ITGB4: variants seen among roughly 807,000 people sequenced by gnomAD.
The protein encoded by ITGB4 is integrin beta-4.
In ITGB4, 159 loss-of-function variants were observed where a neutral mutation model predicts 207.6. The observed-to-expected ratio is 0.77, with a 90% CI of 0.67 to 0.87. The LOEUF (loss-of-function observed/expected upper bound fraction) is 0.87, where lower values mean the gene tolerates loss of function less well. Ranked by LOEUF, ITGB4 falls within the 40% of genes least tolerant of loss-of-function variation. ITGB4 has a pLI of 0.00. For missense variants in ITGB4, 2,278 were observed against 2,546.8 expected (o/e 0.89, Z 2.27); for synonymous variants, 1,020 against 1,062.7 (o/e 0.96, Z 0.78).
chr17:75,729,710 C>T lies in ITGB4; in HGVS notation c.738+274C>T, dbSNP rs368970594. On this transcript the variant is annotated intron_variant, in intron 7 of 39. Transcript: ENST00000200181. This position sits in a 1 kb window ranked among gnomAD's most constrained non-coding sequence, Gnocchi z 4.4. ...CTACCAAGGCAGACCTGGGCTTTAG[C>T]GTTCTGGAATCTTTAGTACCCTGAA... Among the ~76,000 whole-genome samples, 1 of 152,218 alleles carries T rather than the reference C, an allele frequency of 6.6e-6. No homozygotes were observed. Among genetic ancestry groups the T allele is most frequent in the Non-Finnish European group, 1.5e-5 (1 of 68,028 alleles).
chr17:75,730,589 C>T lies in ITGB4; in HGVS notation c.1002+85C>T, dbSNP rs2060832253. ...TCAGACACCTCTCCCTCCCTCCCTC[C>T]CTCCCTCCCTCCCTTCCTCCCTTCC... is the stretch of plus-strand genomic sequence containing the variant. On this transcript the variant is annotated intron_variant, in intron 8 of 39. Coordinates refer to ENST00000200181, the MANE Select transcript of ITGB4 (RefSeq NM_000213.5). 9.1e-6 allele frequency: 11 copies of T among 1,203,906 alleles called. No individual in the cohort carries two copies. In the East Asian group the frequency reaches 2.3e-4, roughly 25 times the overall value. 74.6% of individuals were successfully genotyped at this position (1,203,906 alleles called of 1,614,324 possible). A position where few individuals can be genotyped will look rare whatever the true frequency, so the allele number is the denominator to read the frequency against.
chr17:75,734,651 C>G (rs2060937656), intron 13 of ITGB4, among the ~76,000 whole-genome samples: 1 of 152,186 alleles, frequency 6.6e-6, no homozygotes, highest in Non-Finnish European at 1.5e-5. Flanking sequence ...TTATGAAGCC[C>G]TCACTGTATA....
rs751396834 is a variant in ITGB4 at position 75,731,319 on chromosome 17, T to A, written c.1166T>A (p.Met389Lys). The part of the protein sequence containing the change: ...RGLRTEVTSK[M>K]FQKTRTGSFH... ...CTTCGGACAGAGGTCACCTCCAAGA[T>A]GTTCCAGAAGACGAGGACTGGGTCC... Residue 389 changes from methionine to lysine, a missense_variant, in exon 10 of 40, where the codon ATG (methionine) becomes AAG (lysine). By Grantham distance (95) the Met-to-Lys change is moderately conservative. Transcript: ENST00000200181. The surrounding 1 kb of genome is among the most constrained non-coding windows in gnomAD (Gnocchi z 6.8). The A allele has an allele frequency of 3.1e-6, 5 of 1,613,262 alleles. No individual in the cohort carries two copies. The East Asian group carries it at 1.1e-4, about 36-fold the overall frequency.
rs1391916566 is a variant in ITGB4, at chr17:75,745,271, T to C, written c.3111+1410T>C. Among the ~76,000 whole-genome samples, 3 of 151,944 alleles carry C rather than the reference T, an allele frequency of 2.0e-5. No individual in the cohort carries two copies. The East Asian group carries it at 5.9e-4, about 30-fold the overall frequency. On this transcript the variant is annotated intron_variant, in intron 26 of 39. Coordinates refer to ENST00000200181, the MANE Select transcript of ITGB4 (RefSeq NM_000213.5). ...AGCTGGGCATGGTAGTGCATACTTGTGGACCCAGCTACTTGGAAGGCTGAG... is the reference window on the plus strand; with the variant it reads ...AGCTGGGCATGGTAGTGCATACTTGCGGACCCAGCTACTTGGAAGGCTGAG...
chr17:75,734,093 A>AAATT (rs2060922101), intron 13 of ITGB4, among the ~76,000 whole-genome samples: 1 of 148,668 alleles, frequency 6.7e-6, no homozygotes, highest in Non-Finnish European at 1.5e-5. Flanking sequence ...CAAAGATGCT[A>AAATT]AATTTCTGTG....
intron 34 of ITGB4, chr17:75,755,183 G>C (rs771967474): frequency 6.2e-7 from 1 of 1,606,846 alleles, no homozygotes; most frequent in Admixed American, 1.7e-5. Flanking sequence ...AATCCTGGCT[G>C]GGAGGCCAGC....
At position 75,755,801 on chromosome 17, in the gene ITGB4, C is replaced by T. The variant is rs528247999; in HGVS notation, c.4659C>T (p.Cys1553=). 111 of 1,610,234 alleles carry T rather than the reference C, an allele frequency of 6.9e-5. No individual in the cohort carries two copies. In the Admixed American group the frequency reaches 1.3e-3, roughly 19 times the overall value. The change falls in exon 35 of 40, where the codon TGC becomes TGT. Residue 1553 remains cysteine, a synonymous_variant. Coordinates refer to ENST00000200181, the MANE Select transcript of ITGB4 (RefSeq NM_000213.5). ...SLRVSWQEPR[C]ERPLQGYSVE... Reference sequence around the variant, plus strand: ...GAGTGAGCTGGCAGGAGCCGCGGTGCGAGCGGCCGCTGCAGGGCTACAGTG... The same window carrying T: ...GAGTGAGCTGGCAGGAGCCGCGGTGTGAGCGGCCGCTGCAGGGCTACAGTG...
intron 8 of ITGB4, 108 bp downstream of exon 8, chr17:75,730,612 TCCTCCCTC>T: frequency 1.2e-5 from 12 of 997,612 alleles, no homozygotes; most frequent in Non-Finnish European, 1.7e-5. Flanking sequence ...CTTCCTCCCT[TCCTCCCTC>T]CCTCTTTTCC....
rs535251384 is a variant in ITGB4 at position 75,728,385 on chromosome 17, C to T, written c.478C>T (p.Leu160=). 2.5e-6 allele frequency: 4 copies of T among 1,614,040 alleles called. No individual in the cohort carries two copies. The Admixed American group carries it at 6.7e-5, about 27-fold the overall frequency. The change falls in exon 6 of 40, where the codon CTG becomes TTG. Residue 160 remains leucine (L), a synonymous_variant. Coordinates refer to ENST00000200181, the MANE Select transcript of ITGB4 (RefSeq NM_000213.5). ...KKMGQNLARV[L]SQLTSDYTIG... is the part of the protein sequence containing the mutation. ...GTCCTTTTGACATCCAGCTCGGGTC[C>T]TGAGCCAGCTCACCAGCGACTACAC... is the stretch of plus-strand genomic sequence containing the variant.
chr17:75,740,933 C>T lies in ITGB4; in HGVS notation c.2610-49C>T. On this transcript the variant is annotated intron_variant, in intron 22 of 39. Transcript: ENST00000200181. This position sits in a 1 kb window ranked among gnomAD's most constrained non-coding sequence, Gnocchi z 5.9. The stretch of plus-strand genomic sequence containing the variant: ...AGCCGAAGCCCCCAGGCCGATCAGG[C>T]CTCCACTTCAGGGCTATCTAGCTCA... The T allele has an allele frequency of 6.2e-7, 1 of 1,613,850 alleles. No individual in the cohort carries two copies. The highest frequency in any genetic ancestry group is 8.5e-7 in the Non-Finnish European group (1 of 1,179,874).
Position 75,752,464 on chromosome 17 carries a change from T to C in ITGB4, c.3995T>C (p.Ile1332Thr). 1 of 1,613,496 alleles carries C rather than the reference T, an allele frequency of 6.2e-7. No individual in the cohort carries two copies. The highest frequency in any genetic ancestry group is 8.5e-7 in the Non-Finnish European group (1 of 1,180,000). ...RPMSIPIIPD[I>T]PIVDAQSGED... ...CCTGCAGTCCCCATCATCCCTGACA[T>C]CCCTATCGTGGACGCCCAGAGCGGG... Residue 1332 changes from isoleucine to threonine, a missense_variant, in exon 32 of 40, where the codon ATC (isoleucine) becomes ACC (threonine). Physicochemically the swap from Ile to Thr is moderately conservative, Grantham distance 89 (BLOSUM62 -1). Coordinates refer to ENST00000200181, the MANE Select transcript of ITGB4 (RefSeq NM_000213.5).
chr17:75,727,885 G>A lies in ITGB4; in HGVS notation c.469+30G>A. On this transcript the variant is annotated intron_variant, in intron 5 of 39. Coordinates refer to ENST00000200181, the MANE Select transcript of ITGB4 (RefSeq NM_000213.5). The surrounding 1 kb of genome is among the most constrained non-coding windows in gnomAD (Gnocchi z 6.0). The stretch of plus-strand genomic sequence containing the variant: ...GGCAGGGCCAGAGTGGAGGACAGCA[G>A]GGCAGGAGGGGGACAGGTGGGCGTC... 6.2e-7 allele frequency: 1 copy of A among 1,603,698 alleles called. No individual in the cohort carries two copies. Among genetic ancestry groups the A allele is most frequent in the Non-Finnish European group, 8.5e-7 (1 of 1,172,026 alleles).
At chr17:75,724,619 T>C (rs1156890576) in intron 1 of ITGB4, 75 bp from the exon 2 acceptor site, 1 of 1,109,524 alleles carries the variant, frequency 9.0e-7, no homozygotes, top group Non-Finnish European at 1.4e-6. Context: ...TTCCCACAGC[T>C]GTGCAGCGAG....
Position 75,722,825 on chromosome 17 carries a change from G to C in ITGB4, c.-11+1213G>C, listed in dbSNP as rs925514249. On this transcript the variant is annotated intron_variant, in intron 1 of 39. Coordinates refer to ENST00000200181, the MANE Select transcript of ITGB4 (RefSeq NM_000213.5). The surrounding 1 kb of genome is among the most constrained non-coding windows in gnomAD (Gnocchi z 6.2). ...GGGGGGAAACTGCCTGTGCTGCAGT[G>C]TGATGGCATTCAGGGTGGCAGTCAC... 6.6e-6 allele frequency among the ~76,000 whole-genome samples: 1 copy of C among 151,466 alleles called. No individual in the cohort carries two copies. The highest frequency in any genetic ancestry group is 1.5e-5 in the Non-Finnish European group (1 of 67,868).
chr17:75,730,187 T>C (rs928741091), intron 7 of ITGB4, 54 bp from the exon 8 acceptor site: 2 of 1,608,700 alleles, frequency 1.2e-6, no homozygotes, highest in Non-Finnish European at 1.7e-6. Flanking sequence ...GACGCCGTGA[T>C]GCGTGTCAGC....
rs374562982 is a variant in ITGB4, at chr17:75,754,789, C to A, written c.4532C>A (p.Ser1511Tyr). 10 of 1,614,040 alleles carry A rather than the reference C, an allele frequency of 6.2e-6. No homozygotes were observed. Among genetic ancestry groups the A allele is most frequent in the South Asian group, 4.4e-5 (4 of 91,090 alleles). ...TCGACCACACTGCCCAGGGACTACTCCACCCTCACCTCCGTCTCCTCCCAC... is the reference window on the plus strand; with the variant it reads ...TCGACCACACTGCCCAGGGACTACTACACCCTCACCTCCGTCTCCTCCCAC... ...SHSTTLPRDY[S>Y]TLTSVSSHDS... The change falls in exon 34 of 40, where the codon TCC becomes TAC. Residue 1511 changes from serine (S) to tyrosine (Y), a missense_variant. By Grantham distance (144) the Ser-to-Tyr change is moderately radical (BLOSUM62 -2). Transcript: ENST00000200181.
intron 1 of ITGB4, among the ~76,000 whole-genome samples, chr17:75,723,934 G>A (rs1261484660): frequency 1.3e-5 from 2 of 152,266 alleles, no homozygotes; most frequent in East Asian, 1.9e-4. Flanking sequence ...CCTGAAGGCC[G>A]CTGAGGACTT....
Position 75,722,881 on chromosome 17 carries a change from C to A in ITGB4, c.-11+1269C>A, listed in dbSNP as rs985556901. Among the ~76,000 whole-genome samples, 1 of 151,808 alleles carries A rather than the reference C, an allele frequency of 6.6e-6. No individual in the cohort carries two copies. The highest frequency in any genetic ancestry group is 1.5e-5 in the Non-Finnish European group (1 of 67,946). ...CCAGGGACCTGCTGGTACATAAAGT[C>A]GGGGCAGCCTGGTGGGGTCCGGGCC... On this transcript the variant is annotated intron_variant, in intron 1 of 39. Transcript: ENST00000200181. This position sits in a 1 kb window ranked among gnomAD's most constrained non-coding sequence, Gnocchi z 6.2.
chr17:75,734,139 T>TTG (rs1326926674), intron 13 of ITGB4, among the ~76,000 whole-genome samples: 4 of 142,316 alleles, frequency 2.8e-5, no homozygotes, highest in African/African-American at 1.1e-4. Flanking sequence ...TTTTTTTTTT[T>TTG]TTTTTTTTTT....
Sources: allele counts gnomAD v4.1 joint callset (sites outside exome capture counted in the v4.1 genomes callset), GRCh38; gene constraint gnomAD v4.1.1; non-coding constraint Gnocchi (gnomAD v3.1); transcripts MANE v1.5; gene names NCBI Gene and HGNC (gene_info 2026-07-23, HGNC 2026-07-21).